RIMS1: variants seen among roughly 807,000 people sequenced by gnomAD.
The protein encoded by RIMS1 is regulating synaptic membrane exocytosis 1, also known as regulating synaptic membrane exocytosis protein 1.
RIMS1 carries 83 observed loss-of-function variants against 214.1 expected under a neutral mutation model. That is an observed-to-expected ratio of 0.39 (90% confidence interval 0.32 to 0.47). The LOEUF is 0.47. Among genes scored for constraint, RIMS1 ranks in the 20% least tolerant of loss-of-function variants. The pLI, the probability that RIMS1 is intolerant of heterozygous loss-of-function variation, is 0.99. For synonymous variants in RIMS1, 793 were observed against 786.8 expected (o/e 1.01, Z -0.13); for missense variants, 2,050 against 2,161.8 (o/e 0.95, Z 1.03).
chr6:72,319,522 A>G (rs1456578740), intron 28 of RIMS1, among the ~76,000 whole-genome samples: 2 of 152,160 alleles, frequency 1.3e-5, no homozygotes, highest in Admixed American at 6.5e-5. Flanking sequence ...TGCCAGGACA[A>G]TGTGAAGACT....
intron 1 of RIMS1, among the ~76,000 whole-genome samples, chr6:71,891,871 G>A (rs1769991887): frequency 6.6e-6 from 1 of 152,196 alleles, no homozygotes; most frequent in Non-Finnish European, 1.5e-5. Flanking sequence ...AACTTGTGCA[G>A]TGAGCTTCCT....
chr6:72,162,901 A>G (rs2045667059), intron 4 of RIMS1, among the ~76,000 whole-genome samples: 1 of 138,098 alleles, frequency 7.2e-6, no homozygotes, highest in Admixed American at 7.5e-5. Context: ...TCTTTGTGTC[A>G]TTCTCTGTAT....
intron 1 of RIMS1, among the ~76,000 whole-genome samples, chr6:71,915,687 T>TTA (rs1455021437): frequency 2.0e-5 from 3 of 152,256 alleles, no homozygotes; most frequent in African/African-American, 7.2e-5. Flanking sequence ...ATAACTCATG[T>TTA]TATATATATA....
intron 1 of RIMS1, 119 bp from the exon 2 acceptor site, chr6:71,968,864 T>C (rs1306522819): frequency 9.8e-7 from 1 of 1,023,396 alleles, no homozygotes; most frequent in African/African-American, 1.6e-5. Flanking sequence ...AAGGTTAATG[T>C]TGAAGGGGCT....
chr6:72,229,996 A>G (rs2061451549), intron 6 of RIMS1, among the ~76,000 whole-genome samples: 2 of 151,746 alleles, frequency 1.3e-5, no homozygotes, highest in African/African-American at 4.8e-5. Context: ...TATTTTGTAC[A>G]ATGCTTCATT....
chr6:72,281,759 A>T (rs2090210384), intron 23 of RIMS1, among the ~76,000 whole-genome samples: 1 of 152,180 alleles, frequency 6.6e-6, no homozygotes, highest in Admixed American at 6.5e-5. Context: ...CCATTTCAAT[A>T]AGTCCTTTCC....
intron 1 of RIMS1, among the ~76,000 whole-genome samples, chr6:71,923,567 C>CTT (rs200418479): frequency 6.6e-6 from 1 of 150,856 alleles, no homozygotes; most frequent in Non-Finnish European, 1.5e-5. Flanking sequence ...CTTTTTGTGA[C>CTT]TTTTCTTTTT....
At chr6:72,106,748 T>C (rs902251634) in intron 4 of RIMS1, among the ~76,000 whole-genome samples, 2 of 152,230 alleles carry the variant, frequency 1.3e-5, no homozygotes, top group African/African-American at 2.4e-5. Flanking sequence ...TAGTGTATGA[T>C]GGTTCCCCTA....
intron 29 of RIMS1, 55 bp from the exon 30 acceptor site, chr6:72,390,543 T>C (rs1596147433): frequency 1.3e-6 from 2 of 1,506,780 alleles, no homozygotes; most frequent in African/African-American, 2.8e-5. Context: ...CAATTGATAT[T>C]CAGGAGTAAA....
chr6:72,201,476 A>T (rs747028317), intron 6 of RIMS1, among the ~76,000 whole-genome samples: 3 of 152,234 alleles, frequency 2.0e-5, no homozygotes, highest in Non-Finnish European at 4.4e-5. Flanking sequence ...CAGTGAATGA[A>T]AAGGTTGTCC....
rs1168933601 is a variant in RIMS1, at chr6:72,041,415, G to A, written c.246-55534G>A. On this transcript the variant is annotated intron_variant, in intron 2 of 33. Coordinates refer to ENST00000521978, the MANE Select transcript of RIMS1 (RefSeq NM_014989.7). Reference sequence around the variant, plus strand: ...AAGCTGTCTGGATATGGTATCAAAAGTTATAGTTTTTATCTTGATGACTTA... The same window carrying A: ...AAGCTGTCTGGATATGGTATCAAAAATTATAGTTTTTATCTTGATGACTTA... Among the ~76,000 whole-genome samples the A allele has an allele frequency of 2.6e-5, 4 of 151,822 alleles. 1 individual carries two copies. In the South Asian group the frequency reaches 6.2e-4, roughly 24 times the overall value.
intron 19 of RIMS1, chr6:72,261,426 T>C (rs1217095632): frequency 1.0e-6 from 1 of 985,372 alleles, no homozygotes; most frequent in African/African-American, 1.7e-5. Context: ...AATTTTTGCT[T>C]CTAAATTGGA....
At chr6:72,337,308 A>G (rs1018833936) in intron 29 of RIMS1, among the ~76,000 whole-genome samples, 2 of 151,804 alleles carry the variant, frequency 1.3e-5, no homozygotes, top group East Asian at 1.9e-4. Context: ...AATATCCTAT[A>G]TCTTCTCCTC....
intron 4 of RIMS1, among the ~76,000 whole-genome samples, chr6:72,100,580 G>A (rs923917920): frequency 2.0e-5 from 3 of 152,100 alleles, no homozygotes; most frequent in South Asian, 4.1e-4. Flanking sequence ...TTGTGCCTGG[G>A]AAGATAGGCT....
At chr6:72,364,681 C>T (rs746936334) in intron 29 of RIMS1, among the ~76,000 whole-genome samples, 3 of 152,058 alleles carry the variant, frequency 2.0e-5, no homozygotes, top group East Asian at 3.9e-4. Context: ...AGTTGATCCC[C>T]GGGAAGCACG....
intron 2 of RIMS1, among the ~76,000 whole-genome samples, chr6:71,990,633 CGG>C (rs933422064): frequency 1.3e-5 from 2 of 150,742 alleles, no homozygotes; most frequent in Non-Finnish European, 2.9e-5. Flanking sequence ...ATAAAGAAAT[CGG>C]AGATGGCTTC....
At chr6:72,117,664 T>G (rs528862179) in intron 4 of RIMS1, among the ~76,000 whole-genome samples, 6 of 151,950 alleles carry the variant, frequency 3.9e-5, no homozygotes, top group Admixed American at 2.6e-4. Context: ...AATAATATAC[T>G]CTTGAAAATT....
At chr6:72,262,603 A>G in intron 19 of RIMS1, 4 of 944,626 alleles carry the variant, frequency 4.2e-6, no homozygotes, top group Non-Finnish European at 5.0e-6. Context: ...GCATGTATGT[A>G]TATATAATCT....
intron 1 of RIMS1, among the ~76,000 whole-genome samples, chr6:71,954,846 G>GCACACA (rs57226234): frequency 4.3e-4 from 63 of 144,916 alleles, no homozygotes; most frequent in African/African-American, 5.8e-4. Flanking sequence ...CCACTCCTCA[G>GCACACA]CACACACACA....
Sources: allele counts gnomAD v4.1 joint callset (sites outside exome capture counted in the v4.1 genomes callset), GRCh38; gene constraint gnomAD v4.1.1; transcripts MANE v1.5; gene names NCBI Gene and HGNC (gene_info 2026-07-23, HGNC 2026-07-21).